ASIC2: variants seen among roughly 807,000 people sequenced by gnomAD.
ASIC2 encodes the protein acid-sensing ion channel 2.
A neutral mutation model predicts 57.3 loss-of-function variants in ASIC2; 25 were observed. That is an observed-to-expected ratio of 0.44 (90% CI 0.32 to 0.61). The LOEUF is 0.61. Ranked by LOEUF, ASIC2 falls within the 20% of genes least tolerant of loss-of-function variation. The pLI, the probability that ASIC2 is intolerant of heterozygous loss-of-function variation, is 0.06. For synonymous variants in ASIC2, 319 were observed against 307.5 expected, an observed-to-expected ratio of 1.04 and a Z score of -0.39; for missense variants, 641 against 738.1, an observed-to-expected ratio of 0.87 and a Z score of 1.52.
chr17:33,606,933 C>T (rs1410894791), intron 1 of ASIC2, among the ~76,000 whole-genome samples: 1 of 152,200 alleles, frequency 6.6e-6, no homozygotes, highest in East Asian at 1.9e-4. Context: ...TAGTCTATGC[C>T]TCTGCTGATT....
In ASIC2 at chr17:33,946,821, A is replaced by G. The variant is rs538849096; in HGVS notation, c.555+209157T>C. 3.9e-5 allele frequency among the ~76,000 whole-genome samples: 6 copies of G among 152,344 alleles called. No individual in the cohort carries two copies. The South Asian group carries it at 1.2e-3, about 32-fold the overall frequency. Reference sequence around the variant, plus strand: ...ATAGATTGGCTTACATATAGGAAAGAGTAGCAGAGACAGGGCCAGGAAACC... The same window carrying G: ...ATAGATTGGCTTACATATAGGAAAGGGTAGCAGAGACAGGGCCAGGAAACC... On this transcript the variant is annotated intron_variant, in intron 1 of 9. Coordinates refer to the ASIC2 transcript ENST00000359872.
At chr17:33,217,334 C>T (rs941237989) in intron 1 of ASIC2, among the ~76,000 whole-genome samples, 2 of 152,176 alleles carry the variant, frequency 1.3e-5, no homozygotes, top group Non-Finnish European at 2.9e-5. Flanking sequence ...AGGAGACCTT[C>T]CCTCAAAAGG....
intron 1 of ASIC2, among the ~76,000 whole-genome samples, chr17:34,113,524 G>T (rs1911338637): frequency 6.6e-6 from 1 of 151,366 alleles, no homozygotes; most frequent in Non-Finnish European, 1.5e-5. Flanking sequence ...TTGCACTACT[G>T]CACTACAGCC....
At chr17:33,853,703 A>G (rs990392627) in intron 1 of ASIC2, among the ~76,000 whole-genome samples, 1 of 152,208 alleles carries the variant, frequency 6.6e-6, no homozygotes, top group Non-Finnish European at 1.5e-5. Context: ...TCTCTGGCTA[A>G]GTTCTCCAAG....
intron 1 of ASIC2, among the ~76,000 whole-genome samples, chr17:33,676,838 T>C (rs955187873): frequency 1.3e-5 from 2 of 151,562 alleles, no homozygotes; most frequent in African/African-American, 4.9e-5. Context: ...GTCCCTCCCA[T>C]TGTTGGGGGT....
chr17:33,050,098 A>G (rs1439190968), intron 3 of ASIC2, among the ~76,000 whole-genome samples: 1 of 152,152 alleles, frequency 6.6e-6, no homozygotes, highest in Non-Finnish European at 1.5e-5. Flanking sequence ...TCAACGGAAG[A>G]CCTGAGCCCC....
At chr17:33,202,202 C>T (rs908005857) in intron 1 of ASIC2, among the ~76,000 whole-genome samples, 1 of 152,138 alleles carries the variant, frequency 6.6e-6, no homozygotes, top group Non-Finnish European at 1.5e-5. Context: ...GTGGCACAAA[C>T]ACCAACGATG....
chr17:33,928,835 T>C (rs1176131981), intron 1 of ASIC2, among the ~76,000 whole-genome samples: 2 of 151,932 alleles, frequency 1.3e-5, no homozygotes, highest in South Asian at 2.1e-4. Context: ...CCAGGCAAAA[T>C]AGAAGTTTGC....
At chr17:33,423,449 G>A (rs552618138) in intron 1 of ASIC2, among the ~76,000 whole-genome samples, 37 of 152,286 alleles carry the variant, frequency 2.4e-4, no homozygotes, top group Middle Eastern at 3.4e-3. Context: ...TGTCATAAGG[G>A]TGACATGCTA....
At chr17:33,941,599 G>A (rs1319085571) in intron 1 of ASIC2, among the ~76,000 whole-genome samples, 1 of 152,198 alleles carries the variant, frequency 6.6e-6, no homozygotes, top group Non-Finnish European at 1.5e-5. Context: ...CTCTGGCTCA[G>A]CATCTTCTCC....
intron 1 of ASIC2, among the ~76,000 whole-genome samples, chr17:34,144,648 A>G (rs1303659255): frequency 6.6e-6 from 1 of 152,242 alleles, no homozygotes; most frequent in East Asian, 1.9e-4. Flanking sequence ...ATTATTTAAT[A>G]GATGAGGATA....
intron 1 of ASIC2, chr17:34,039,490 A>T: frequency 1.2e-6 from 2 of 1,613,742 alleles, no homozygotes; most frequent in Non-Finnish European, 1.7e-6. Context: ...TAAACCATAG[A>T]GGGGCTGTTC....
chr17:34,065,482 C>G (rs538058508), intron 1 of ASIC2, among the ~76,000 whole-genome samples: 1 of 152,104 alleles, frequency 6.6e-6, no homozygotes, highest in African/African-American at 2.4e-5. Flanking sequence ...AACCAAATAC[C>G]ACCTGTACCC....
intron 1 of ASIC2, among the ~76,000 whole-genome samples, chr17:33,258,220 AG>A (rs988154728): frequency 4.6e-5 from 7 of 152,146 alleles, no homozygotes; most frequent in Admixed American, 4.6e-4. Context: ...GATCTTTAGG[AG>A]TATCTAGTTA....
intron 1 of ASIC2, among the ~76,000 whole-genome samples, chr17:34,056,128 T>G (rs1274322850): frequency 6.6e-6 from 1 of 152,212 alleles, no homozygotes; most frequent in Non-Finnish European, 1.5e-5. Context: ...AATGGAAGAA[T>G]GGTCTCTAGC....
chr17:33,397,045 C>T (rs1037324449), intron 1 of ASIC2, among the ~76,000 whole-genome samples: 25 of 152,176 alleles, frequency 1.6e-4, no homozygotes, highest in Non-Finnish European at 3.1e-4. Context: ...CAACATATTC[C>T]GAGTCATCCC....
chr17:33,029,622 G>A (rs2091873001), intron 3 of ASIC2, among the ~76,000 whole-genome samples: 1 of 152,242 alleles, frequency 6.6e-6, no homozygotes, highest in Non-Finnish European at 1.5e-5. Context: ...GTGGACATAT[G>A]TTTTAATTTC....
chr17:33,229,198 G>A (rs114944455), intron 1 of ASIC2, among the ~76,000 whole-genome samples: 1,927 of 152,246 alleles, frequency 0.013, 29 homozygotes, highest in African/African-American at 0.036. Context: ...GATGGAGGAG[G>A]GGATAGGAAA....
chr17:33,021,994 T>C (rs1431587441), intron 6 of ASIC2, among the ~76,000 whole-genome samples: 1 of 152,178 alleles, frequency 6.6e-6, no homozygotes, highest in Non-Finnish European at 1.5e-5. Flanking sequence ...AATTCCTGTC[T>C]CCTCCAATGT....
Sources: allele counts gnomAD v4.1 joint callset (sites outside exome capture counted in the v4.1 genomes callset), GRCh38; gene constraint gnomAD v4.1.1; transcripts MANE v1.5; gene names NCBI Gene and HGNC (gene_info 2026-07-23, HGNC 2026-07-21).